ADK: variants seen among roughly 807,000 people sequenced by gnomAD.
The protein encoded by ADK is adenosine kinase, also known as N6,N6-dimethyladenosine kinase.
In ADK, 24 loss-of-function variants were observed where a neutral mutation model predicts 44.7. The observed-to-expected ratio is 0.54, with a 90% confidence interval of 0.39 to 0.76. The LOEUF (loss-of-function observed/expected upper bound fraction) is 0.76. Among genes scored for constraint, ADK ranks in the 30% least tolerant of loss-of-function variants. The pLI, the probability that ADK is intolerant of heterozygous loss-of-function variation, is 0.00. For synonymous variants in ADK, 128 were observed against 142.6 expected (o/e 0.90, Z 0.73); for missense variants, 321 against 425.1 (o/e 0.76, Z 2.15).
intron 9 of ADK, among the ~76,000 whole-genome samples, chr10:74,601,808 G>A (rs1852131631): frequency 6.6e-6 from 1 of 151,476 alleles, no homozygotes; most frequent in Non-Finnish European, 1.5e-5. Flanking sequence ...AAGAAAGGAG[G>A]ACAAGTGGGC....
chr10:74,258,947 G>GTTTTTTTTTTTTTTTTTTTTT (rs141424052), intron 3 of ADK, among the ~76,000 whole-genome samples: 7 of 96,128 alleles, frequency 7.3e-5, no homozygotes, highest in East Asian at 2.7e-4. Flanking sequence ...TTGTTTTTGT[G>GTTTTTTTTTTTTTTTTTTTTT]TTTTTTTTTT....
At chr10:74,511,859 G>A (rs1192854473) in intron 6 of ADK, among the ~76,000 whole-genome samples, 1 of 152,140 alleles carries the variant, frequency 6.6e-6, no homozygotes, top group Non-Finnish European at 1.5e-5. Context: ...TGGTGAGAGA[G>A]GGCATCATTG....
intron 4 of ADK, among the ~76,000 whole-genome samples, chr10:74,320,812 G>C (rs906164217): frequency 1.2e-4 from 18 of 152,150 alleles, no homozygotes; most frequent in Admixed American, 4.6e-4. Context: ...GAGATTTTGA[G>C]TAGTGTTTCA....
intron 9 of ADK, among the ~76,000 whole-genome samples, chr10:74,653,852 T>G (rs965222680): frequency 2.6e-5 from 4 of 152,248 alleles, no homozygotes; most frequent in Admixed American, 6.5e-5. Context: ...TGAAATTGAC[T>G]TCATACTTAG....
rs1841576969 is a variant in ADK at position 74,151,295 on chromosome 10, A to C, written c.17A>C (p.Glu6Ala). The C allele has an allele frequency of 1.9e-6, 3 of 1,549,618 alleles. No homozygotes were observed. The highest frequency in any genetic ancestry group is 1.7e-6 in the Non-Finnish European group (2 of 1,146,822). Residue 6 changes from glutamate (E) to alanine (A), a missense_variant, in exon 1 of 11, where the codon GAG (glutamate) becomes GCG (alanine). By Grantham distance (107) the Glu-to-Ala change is moderately radical. Coordinates refer to ENST00000539909, the MANE Select transcript of ADK (RefSeq NM_006721.4). MAAAE[E>A]EPKPKKLKVE... is the part of the protein sequence containing the mutation. The stretch of plus-strand genomic sequence containing the variant: ...AGCGCGAAGATGGCAGCTGCTGAGG[A>C]GGAGCCGAAGCCCAAAAAGCTGAAG...
intron 3 of ADK, among the ~76,000 whole-genome samples, chr10:74,233,811 A>C (rs769030069): frequency 2.0e-5 from 3 of 152,186 alleles, no homozygotes; most frequent in Non-Finnish European, 4.4e-5. Flanking sequence ...TCTAGCATAA[A>C]ACTCTTCAAC....
chr10:74,314,089 T>A (rs1258131933), intron 3 of ADK, among the ~76,000 whole-genome samples: 1 of 152,116 alleles, frequency 6.6e-6, no homozygotes, highest in Non-Finnish European at 1.5e-5. Context: ...GTTATACTTT[T>A]GTTTATTTTT....
chr10:74,294,521 A>T (rs1414715625), intron 3 of ADK, among the ~76,000 whole-genome samples: 1 of 152,158 alleles, frequency 6.6e-6, no homozygotes, highest in African/African-American at 2.4e-5. Flanking sequence ...TCCTGACCTC[A>T]GGTGATCTGC....
chr10:74,191,884 C>A (rs942547919), intron 1 of ADK, among the ~76,000 whole-genome samples: 2 of 152,142 alleles, frequency 1.3e-5, no homozygotes, highest in Admixed American at 6.5e-5. Context: ...GGGTATTAAA[C>A]TATTCTGTTA....
intron 4 of ADK, among the ~76,000 whole-genome samples, chr10:74,386,099 C>A (rs1364963040): frequency 6.6e-6 from 1 of 152,098 alleles, no homozygotes; most frequent in Non-Finnish European, 1.5e-5. Context: ...GAGAATCTAT[C>A]CTATAAGTTA....
intron 4 of ADK, among the ~76,000 whole-genome samples, chr10:74,356,926 A>G (rs1842166418): frequency 6.6e-6 from 1 of 152,096 alleles, no homozygotes; most frequent in African/African-American, 2.4e-5. Flanking sequence ...AATAAAAATA[A>G]AAGACCTTCT....
chr10:74,277,509 G>C (rs1846741775), intron 3 of ADK, among the ~76,000 whole-genome samples: 1 of 151,734 alleles, frequency 6.6e-6, no homozygotes, highest in South Asian at 2.1e-4. Flanking sequence ...CCATTCTCCT[G>C]CCTCAGCCTC....
chr10:74,295,423 T>A (rs1839777200), intron 3 of ADK, among the ~76,000 whole-genome samples: 1 of 151,502 alleles, frequency 6.6e-6, no homozygotes, highest in East Asian at 2.0e-4. Flanking sequence ...GATCACTTTA[T>A]TGCACTCCAG....
At chr10:74,210,392 C>T (rs1325798996) in intron 2 of ADK, among the ~76,000 whole-genome samples, 1 of 148,588 alleles carries the variant, frequency 6.7e-6, no homozygotes, top group East Asian at 2.0e-4. Flanking sequence ...GTTGAGGAGA[C>T]GTGTTTTTCT....
At chr10:74,258,255 C>T (rs911514984) in intron 3 of ADK, among the ~76,000 whole-genome samples, 5 of 152,044 alleles carry the variant, frequency 3.3e-5, no homozygotes, top group African/African-American at 9.7e-5. Flanking sequence ...TAAATGACCA[C>T]TAATAGTGTA....
intron 2 of ADK, among the ~76,000 whole-genome samples, chr10:74,218,244 T>C (rs1204599590): frequency 6.6e-6 from 1 of 152,126 alleles, no homozygotes; most frequent in Admixed American, 6.5e-5. Context: ...GGAGCCGATG[T>C]GATCAACTGG....
At chr10:74,315,965 C>T (rs763699777) in intron 4 of ADK, among the ~76,000 whole-genome samples, 24 of 152,048 alleles carry the variant, frequency 1.6e-4, no homozygotes, top group African/African-American at 2.7e-4. Flanking sequence ...CGGCCAGGCA[C>T]GGTGGCTCAC....
chr10:74,242,503 T>C (rs569470731), intron 3 of ADK, among the ~76,000 whole-genome samples: 19 of 122,658 alleles, frequency 1.5e-4, no homozygotes, highest in African/African-American at 7.3e-4. Flanking sequence ...TTAGGAAATA[T>C]GCAACCTTTT....
In ADK at chr10:74,589,207, G is replaced by A. The variant is rs142848381; in HGVS notation, c.727-75G>A. ...AATTGTGTAAAGAAGAAGACTGAAT[G>A]AGTTTCAAAAAATGGATTATTTCTT... is the stretch of plus-strand genomic sequence containing the variant. On this transcript the variant is annotated intron_variant, in intron 7 of 10. Transcript: ENST00000539909. 191 of 1,333,752 alleles carry A rather than the reference G, an allele frequency of 1.4e-4. 1 individual carries two copies. In the Middle Eastern group the frequency reaches 2.2e-3, roughly 15 times the overall value. 82.6% of individuals were successfully genotyped at this position (1,333,752 alleles called of 1,614,324 possible).
Sources: gnomAD v4.1 joint callset for allele counts (sites outside exome capture counted in the v4.1 genomes callset) on GRCh38, gnomAD v4.1.1 for gene constraint, MANE v1.5 for transcripts, NCBI Gene and HGNC (gene_info 2026-07-23, HGNC 2026-07-21) for gene names.